The following INTS4 variants were observed in gnomAD, a reference collection of about 807,000 sequenced individuals.
INTS4 encodes the protein MSTP093.
A neutral mutation model predicts 119.5 loss-of-function variants in INTS4; 70 were observed. The ratio of observed to expected loss-of-function variants is 0.59; its 90% CI spans 0.48 to 0.71. The LOEUF (loss-of-function observed/expected upper bound fraction) is 0.71, where lower values mean the gene tolerates loss of function less well. Among genes scored for constraint, INTS4 ranks in the 30% least tolerant of loss-of-function variants. INTS4 has a pLI of 0.00. For synonymous variants in INTS4, 316 were observed against 419.6 expected (o/e 0.75, Z 3.02); for missense variants, 867 against 1,173.2 (o/e 0.74, Z 3.81).
At chr11:77,900,913 C>T in intron 18 of INTS4, 1 of 411,018 alleles carries the variant, frequency 2.4e-6, no homozygotes, top group East Asian at 4.6e-5. Flanking sequence ...GAGGTAGATG[C>T]TGTCTTCATT....
intron 22 of INTS4, among the ~76,000 whole-genome samples, chr11:77,880,750 G>A (rs1282573443): frequency 6.6e-6 from 1 of 152,088 alleles, no homozygotes; most frequent in Non-Finnish European, 1.5e-5. Flanking sequence ...TTGATCCCAG[G>A]TGTTTGAGAC....
chr11:77,989,493 G>C (rs930445295), intron 2 of INTS4, among the ~76,000 whole-genome samples: 2 of 151,918 alleles, frequency 1.3e-5, no homozygotes, highest in African/African-American at 4.8e-5. Flanking sequence ...ATAAAATTCA[G>C]CGAAAAAATA....
At chr11:77,920,985 A>T (rs1464926196) in intron 14 of INTS4, among the ~76,000 whole-genome samples, 10 of 151,974 alleles carry the variant, frequency 6.6e-5, no homozygotes, top group Non-Finnish European at 2.9e-5. Flanking sequence ...ACACCAAAAA[A>T]AATGAATCAT....
chr11:77,950,984 T>C (rs185924202), intron 8 of INTS4, among the ~76,000 whole-genome samples: 33 of 151,560 alleles, frequency 2.2e-4, no homozygotes, highest in African/African-American at 7.2e-4. Flanking sequence ...TTGGATTTTT[T>C]GTCCTTGTGA....
chr11:77,897,091 A>T (rs1468454261), intron 18 of INTS4, among the ~76,000 whole-genome samples: 8 of 152,010 alleles, frequency 5.3e-5, no homozygotes, highest in Non-Finnish European at 1.0e-4. Flanking sequence ...TAAAATAAAT[A>T]AATAAAGGCA....
At chr11:77,973,706 G>T (rs1855824869) in intron 4 of INTS4, among the ~76,000 whole-genome samples, 1 of 151,958 alleles carries the variant, frequency 6.6e-6, no homozygotes, top group South Asian at 2.1e-4. Context: ...TTCATTTATT[G>T]TTATGATCTT....
chr11:77,910,588 A>G (rs1034014202), intron 15 of INTS4, among the ~76,000 whole-genome samples: 3 of 152,198 alleles, frequency 2.0e-5, no homozygotes, highest in African/African-American at 7.2e-5. Context: ...AACTTAAAGT[A>G]TAATAAAAAG....
downstream of INTS4, among the ~76,000 whole-genome samples, chr11:77,876,552 A>G (rs1278639295): frequency 6.6e-6 from 1 of 152,172 alleles, no homozygotes; most frequent in Non-Finnish European, 1.5e-5. Context: ...GCTTAGCAAC[A>G]AATTTGTCAG....
At chr11:77,978,953 G>A in intron 4 of INTS4, 43 bp downstream of exon 4, 1 of 1,246,832 alleles carries the variant, frequency 8.0e-7, no homozygotes. Flanking sequence ...GCAGTCCTCA[G>A]TTACCAGTTT....
intron 8 of INTS4, among the ~76,000 whole-genome samples, chr11:77,943,940 G>C (rs959630531): frequency 2.0e-5 from 3 of 152,140 alleles, no homozygotes; most frequent in African/African-American, 7.2e-5. Context: ...ACCAGTCATG[G>C]GCAGACTTAC....
intron 18 of INTS4, among the ~76,000 whole-genome samples, chr11:77,896,646 C>T (rs1952533025): frequency 1.4e-5 from 2 of 141,052 alleles, no homozygotes; most frequent in African/African-American, 5.5e-5. Flanking sequence ...GAGCAAAACT[C>T]CGTCTCAAAA....
At chr11:77,889,652 T>G (rs868625916) in intron 21 of INTS4, among the ~76,000 whole-genome samples, 35 of 152,352 alleles carry the variant, frequency 2.3e-4, no homozygotes, top group African/African-American at 7.2e-4. Context: ...GTGTCATCTC[T>G]GAGGCATGTT....
chr11:77,944,666 A>C (rs1236423366), intron 8 of INTS4, among the ~76,000 whole-genome samples: 1 of 152,236 alleles, frequency 6.6e-6, no homozygotes, highest in Non-Finnish European at 1.5e-5. Flanking sequence ...TACAGGTTCA[A>C]CATCCCAATT....
At chr11:77,946,499 C>T (rs1297962062) in intron 8 of INTS4, among the ~76,000 whole-genome samples, 1 of 152,178 alleles carries the variant, frequency 6.6e-6, no homozygotes, top group East Asian at 1.9e-4. Context: ...CAGTGGCTCA[C>T]ATCTGTAATC....
intron 4 of INTS4, among the ~76,000 whole-genome samples, chr11:77,961,560 T>C (rs2136587125): frequency 6.6e-6 from 1 of 152,304 alleles, no homozygotes; most frequent in East Asian, 1.9e-4. Flanking sequence ...TTTTCACAAA[T>C]ACACATATAT....
At position 77,901,392 on chromosome 11, in the gene INTS4, C is replaced by T. The variant is rs376821979; in HGVS notation, c.2228+29G>A. The stretch of plus-strand genomic sequence containing the variant: ...TGAAGTATCTTTGAAAGGAACATGC[C>T]ACATATTTTGGCCAACCCCACATCT... On this transcript the variant is annotated intron_variant, in intron 18 of 22. Coordinates refer to ENST00000534064, the MANE Select transcript of INTS4 (RefSeq NM_033547.4). The T allele has an allele frequency of 9.8e-4, 1,586 of 1,612,742 alleles. 1 individual carries two copies. Among genetic ancestry groups the T allele is most frequent in the Non-Finnish European group, 1.3e-3 (1,510 of 1,178,904 alleles).
chr11:77,889,246 T>TA (rs1425236194), intron 21 of INTS4, among the ~76,000 whole-genome samples: 5 of 151,936 alleles, frequency 3.3e-5, no homozygotes, highest in Non-Finnish European at 4.4e-5. Context: ...TATGCAGCCA[T>TA]AAAAAATGAT....
At chr11:77,950,204 C>T (rs1489812406) in intron 8 of INTS4, among the ~76,000 whole-genome samples, 1 of 151,946 alleles carries the variant, frequency 6.6e-6, no homozygotes, top group African/African-American at 2.4e-5. Context: ...ACATCACACA[C>T]CAGGGACTGT....
intron 4 of INTS4, 49 bp from the exon 5 acceptor site, chr11:77,961,187 A>G (rs758401794): frequency 1.5e-5 from 23 of 1,489,702 alleles, no homozygotes; most frequent in African/African-American, 1.4e-4. Context: ...AAAAAAGGAC[A>G]TGATTAAGAT....
Sources: allele counts gnomAD v4.1 joint callset (sites outside exome capture counted in the v4.1 genomes callset), GRCh38; gene constraint gnomAD v4.1.1; transcripts MANE v1.5; gene names NCBI Gene and HGNC (gene_info 2026-07-23, HGNC 2026-07-21).